Variants in FAP observed in about 807,000 individuals in gnomAD.
FAP encodes the protein prolyl endopeptidase FAP.
A neutral mutation model predicts 126.5 loss-of-function variants in FAP; 110 were observed. That is an observed-to-expected ratio of 0.87 (90% CI 0.74 to 1.02). The LOEUF (loss-of-function observed/expected upper bound fraction) is 1.02. FAP is among the 50% of genes least tolerant of loss of function. FAP has a pLI of 0.00. For synonymous variants in FAP, 334 were observed against 297.3 expected, an observed-to-expected ratio of 1.12 and a Z score of -1.27; for missense variants, 919 against 909.2, an observed-to-expected ratio of 1.01 and a Z score of -0.14.
Position 162,219,875 on chromosome 2 carries a change from C to G in FAP, c.464G>C (p.Trp155Ser). The change falls in exon 7 of 26, where the codon TGG becomes TCG. Residue 155 changes from tryptophan (W) to serine (S), a missense_variant. Transcript: ENST00000188790. ...ELPRPIQYLC[W>S]SPVGSKLAYV... Reference sequence around the variant, plus strand: ...TACTAATTTACTCCCAACAGGCGACCAGCATAAATACTGAATTGGACGAGG... The same window carrying G: ...TACTAATTTACTCCCAACAGGCGACGAGCATAAATACTGAATTGGACGAGG... 1.9e-6 allele frequency: 3 copies of G among 1,611,468 alleles called. No individual in the cohort carries two copies. Among genetic ancestry groups the G allele is most frequent in the Non-Finnish European group, 2.5e-6 (3 of 1,177,940 alleles).
Position 162,233,573 on chromosome 2 carries a change from T to C in FAP, c.92-6952A>G, listed in dbSNP as rs1689984806. Among the ~76,000 whole-genome samples the C allele has an allele frequency of 2.0e-5, 3 of 152,164 alleles. No individual in the cohort carries two copies. The South Asian group carries it at 6.2e-4, about 32-fold the overall frequency. On this transcript the variant is annotated intron_variant, in intron 2 of 25. Coordinates refer to ENST00000188790, the MANE Select transcript of FAP (RefSeq NM_004460.5). The stretch of plus-strand genomic sequence containing the variant: ...CCATTTTTTAATGGAGTTATTTATC[T>C]TTTTATTATTGAGCTGCCAGAATTC...
chr2:162,198,059 A>C, intron 16 of FAP: 1 of 760,854 alleles, frequency 1.3e-6, no homozygotes, highest in Non-Finnish European at 1.8e-6. Flanking sequence ...AAAAGGTTGC[A>C]CATAAAATAA....
At position 162,198,262 on chromosome 2, in the gene FAP, G is replaced by C. The variant is rs998503484; in HGVS notation, c.1402+495C>G. On this transcript the variant is annotated intron_variant, in intron 16 of 25. Transcript: ENST00000188790. ...GTTTGAGGAATGATTGACCTCCGAC[G>C]TGGGCATCTCGGGTTTCCAAGCCGT... The C allele has an allele frequency of 2.7e-5, 35 of 1,289,834 alleles. 1 individual carries two copies. Among genetic ancestry groups the C allele is most frequent in the African/African-American group, 2.6e-4 (17 of 65,954 alleles). 79.9% of individuals were successfully genotyped at this position (1,289,834 alleles called of 1,614,324 possible). A position where few individuals can be genotyped will look rare whatever the true frequency, so the allele number is the denominator to read the frequency against.
chr2:162,240,245 C>T (rs943566972), intron 2 of FAP, among the ~76,000 whole-genome samples: 19 of 151,996 alleles, frequency 1.3e-4, no homozygotes, highest in East Asian at 1.2e-3. Flanking sequence ...TTACAAGTTT[C>T]GAAAAAAGTT....
chr2:162,221,776 T>C, intron 6 of FAP: 1 of 456,024 alleles, frequency 2.2e-6, no homozygotes, highest in Middle Eastern at 3.3e-4. Flanking sequence ...AAGGCGTTCA[T>C]CTCCTCAGTT....
At chr2:162,180,823 G>C (rs74812573) in intron 21 of FAP, among the ~76,000 whole-genome samples, 97 of 152,254 alleles carry the variant, frequency 6.4e-4, no homozygotes, top group African/African-American at 2.3e-3. Context: ...GAGATGATCA[G>C]CAGGCATTTG....
intron 21 of FAP, among the ~76,000 whole-genome samples, chr2:162,182,913 A>G (rs1159421979): frequency 6.6e-6 from 1 of 152,206 alleles, no homozygotes; most frequent in African/African-American, 2.4e-5. Flanking sequence ...TCCAGTTAGC[A>G]CAAACGAACA....
chr2:162,186,086 A>G (rs894276250), intron 20 of FAP, among the ~76,000 whole-genome samples: 8 of 152,112 alleles, frequency 5.3e-5, no homozygotes, highest in African/African-American at 1.9e-4. Context: ...TCTAACAACA[A>G]TTTTGTCCCT....
intron 3 of FAP, 43 bp from the exon 4 acceptor site, chr2:162,225,620 A>G: frequency 1.3e-6 from 2 of 1,525,200 alleles, no homozygotes; most frequent in Middle Eastern, 4.5e-4. Flanking sequence ...ATCTCTCTTA[A>G]CATGAAATAC....
chr2:162,208,130 C>T (rs1688783296), intron 12 of FAP, among the ~76,000 whole-genome samples: 2 of 151,596 alleles, frequency 1.3e-5, no homozygotes, highest in African/African-American at 4.8e-5. Context: ...ATGGTGGGCG[C>T]CTGCAATCCC....
chr2:162,188,161 G>A lies in FAP; in HGVS notation c.1814+8C>T, dbSNP rs750725924. 1 of 1,608,970 alleles carries A rather than the reference G, an allele frequency of 6.2e-7. No individual in the cohort carries two copies. Among genetic ancestry groups the A allele is most frequent in the Admixed American group, 1.7e-5 (1 of 59,868 alleles). On this transcript the variant is annotated splice_region_variant and intron_variant, in intron 20 of 25. Coordinates refer to ENST00000188790, the MANE Select transcript of FAP (RefSeq NM_004460.5). ...TGTTGACATCTGCTTGAATGAGAAG[G>A]TGCTCACCTGACAGCTGTAATCTGG...
chr2:162,219,072 C>A lies in FAP; in HGVS notation c.598G>T (p.Val200Phe), dbSNP rs1438838484. The change falls in exon 8 of 26, where the codon GTT becomes TTT. Residue 200 changes from valine to phenylalanine, a missense_variant. Val to Phe is a conservative substitution (Grantham distance 50). Coordinates refer to ENST00000188790, the MANE Select transcript of FAP (RefSeq NM_004460.5). ...NKIFNGIPDW[V>F]YEEEMLATKY... ...AAGGAATACAGCTTACCTTCATAAA[C>A]CCAGTCTGGGATTCCATTAAATATT... The A allele has an allele frequency of 1.2e-6, 2 of 1,602,322 alleles. No individual in the cohort carries two copies. The highest frequency in any genetic ancestry group is 1.3e-5 in the African/African-American group (1 of 74,556).
Position 162,223,672 on chromosome 2 carries a change from A to C in FAP, c.361-12T>G. On this transcript the variant is annotated splice_polypyrimidine_tract_variant and intron_variant, in intron 5 of 25. Coordinates refer to ENST00000188790, the MANE Select transcript of FAP (RefSeq NM_004460.5). The stretch of plus-strand genomic sequence containing the variant: ...GAGTATCTCCAAAGCTGTCAGAAAG[A>C]AGAAAGACAAAAAACAAATTGCAGT... 6.2e-7 allele frequency: 1 copy of C among 1,601,754 alleles called. No homozygotes were observed. Among genetic ancestry groups the C allele is most frequent in the Non-Finnish European group, 8.6e-7 (1 of 1,169,170 alleles).
intron 24 of FAP, 51 bp downstream of exon 24, chr2:162,173,098 A>C: frequency 6.6e-7 from 1 of 1,523,648 alleles, no homozygotes; most frequent in South Asian, 1.1e-5. Flanking sequence ...TCTTAAACAA[A>C]GTGATGCTGG....
At chr2:162,212,538 G>A (rs570811450) in intron 11 of FAP, among the ~76,000 whole-genome samples, 189 of 152,244 alleles carry the variant, frequency 1.2e-3, no homozygotes, top group African/African-American at 4.3e-3. Flanking sequence ...AGACACAGTA[G>A]TGATTTAAAG....
chr2:162,183,502 A>C (rs1180511953), intron 20 of FAP, 34 bp from the exon 21 acceptor site: 2 of 1,224,684 alleles, frequency 1.6e-6, no homozygotes, highest in Non-Finnish European at 2.4e-6. Context: ...TAGAATGTTA[A>C]GTGTATACAC....
chr2:162,241,046 G>C (rs183888951), intron 2 of FAP, among the ~76,000 whole-genome samples: 1 of 152,198 alleles, frequency 6.6e-6, no homozygotes, highest in Non-Finnish European at 1.5e-5. Context: ...CCATTCACAA[G>C]CTGTTTAGCT....
chr2:162,212,440 CA>C (rs1209139641), intron 11 of FAP, among the ~76,000 whole-genome samples: 1 of 152,074 alleles, frequency 6.6e-6, no homozygotes, highest in East Asian at 1.9e-4. Context: ...GTATTAAAGC[CA>C]AAATCATCCT....
Position 162,185,595 on chromosome 2 carries a change from T to C in FAP, c.1815-2127A>G, listed in dbSNP as rs1344784690. 2.1e-4 allele frequency among the ~76,000 whole-genome samples: 32 copies of C among 152,170 alleles called. 1 individual carries two copies. Among genetic ancestry groups the C allele is most frequent in the Admixed American group, 2.0e-3 (30 of 15,252 alleles). On this transcript the variant is annotated intron_variant, in intron 20 of 25. Coordinates refer to ENST00000188790, the MANE Select transcript of FAP (RefSeq NM_004460.5). ...CACATAGATAGAAGTTATAAGACGA[T>C]ATGACTTCTTTTTTTCCCCTACTTT...
Sources: allele counts gnomAD v4.1 joint callset (sites outside exome capture counted in the v4.1 genomes callset), GRCh38; gene constraint gnomAD v4.1.1; transcripts MANE v1.5; gene names NCBI Gene and HGNC (gene_info 2026-07-23, HGNC 2026-07-21).